TMEM132B: variants seen among roughly 807,000 people sequenced by gnomAD.
TMEM132B encodes the protein transmembrane protein 132B.
TMEM132B carries 18 observed loss-of-function variants against 90.8 expected under a neutral mutation model. That is an observed-to-expected ratio of 0.20 (90% CI 0.14 to 0.29). TMEM132B has a LOEUF of 0.29. Among genes scored for constraint, TMEM132B ranks in the 10% least tolerant of loss-of-function variants. TMEM132B has a pLI of 1.00. For missense variants in TMEM132B, 1,096 were observed against 1,326.8 expected, an observed-to-expected ratio of 0.83 and a Z score of 2.70; for synonymous variants, 504 against 523.3, an observed-to-expected ratio of 0.96 and a Z score of 0.50.
intron 4 of TMEM132B, among the ~76,000 whole-genome samples, chr12:125,525,880 G>A (rs543342082): frequency 9.8e-5 from 15 of 152,338 alleles, no homozygotes; most frequent in African/African-American, 2.6e-4. Context: ...AAACCATCAC[G>A]ATTTGTTCAT....
chr12:125,622,244 A>G (rs887445399), intron 5 of TMEM132B, among the ~76,000 whole-genome samples: 1 of 152,178 alleles, frequency 6.6e-6, no homozygotes, highest in African/African-American at 2.4e-5. Context: ...TGGCTTAATT[A>G]CATGTTTAAA....
intron 5 of TMEM132B, chr12:125,584,850 G>C (rs998885011): frequency 5.9e-5 from 9 of 152,186 alleles, no homozygotes; most frequent in Non-Finnish European, 1.2e-4. Flanking sequence ...TGAATTTTTA[G>C]AATGACTGAT....
chr12:125,300,265 G>A (rs1206897954), intron 1 of TMEM132B, among the ~76,000 whole-genome samples: 1 of 152,068 alleles, frequency 6.6e-6, no homozygotes, highest in Non-Finnish European at 1.5e-5. Context: ...CCAACTCCTG[G>A]CCTGAAGCAG....
chr12:125,382,614 GAAAAAGTTT>G (rs1031490113), intron 2 of TMEM132B, among the ~76,000 whole-genome samples: 23 of 152,140 alleles, frequency 1.5e-4, no homozygotes, highest in African/African-American at 3.9e-4. Context: ...AGAGGCCTTT[GAAAAAGTTT>G]AAAAAGTTTA....
chr12:125,562,106 C>G (rs965833516), intron 4 of TMEM132B, among the ~76,000 whole-genome samples: 2 of 152,216 alleles, frequency 1.3e-5, no homozygotes, highest in African/African-American at 2.4e-5. Flanking sequence ...TACAGCTTCT[C>G]CATCACCACT....
At chr12:125,230,325 G>A (rs575590615) in intron 1 of TMEM132B, among the ~76,000 whole-genome samples, 3 of 152,306 alleles carry the variant, frequency 2.0e-5, no homozygotes, top group East Asian at 3.9e-4. Context: ...TCCTCTGTGT[G>A]AAGCGGTGGA....
intron 5 of TMEM132B, 25 bp downstream of exon 5, chr12:125,584,019 G>A (rs1178925958): frequency 1.9e-6 from 3 of 1,613,972 alleles, no homozygotes; most frequent in Non-Finnish European, 2.5e-6. Context: ...ATCTACAGCT[G>A]TCCTAAGTGC....
At chr12:125,254,127 A>G (rs78649410) in intron 1 of TMEM132B, among the ~76,000 whole-genome samples, 2 of 152,208 alleles carry the variant, frequency 1.3e-5, no homozygotes, top group Admixed American at 6.5e-5. Flanking sequence ...CCATCTCTAC[A>G]AAAAATGCAG....
At chr12:125,432,270 A>G (rs1880531235) in intron 3 of TMEM132B, among the ~76,000 whole-genome samples, 1 of 150,336 alleles carries the variant, frequency 6.7e-6, no homozygotes, top group African/African-American at 2.4e-5. Context: ...TAATTGGAAC[A>G]TAACCACTGT....
Position 125,407,930 on chromosome 12 carries a change from C to G in TMEM132B, c.960-7601C>G, listed in dbSNP as rs1180781485. On this transcript the variant is annotated intron_variant, in intron 2 of 8. Coordinates refer to ENST00000682704, the MANE Select transcript of TMEM132B (RefSeq NM_001366854.1). This position sits in a 1 kb window ranked among gnomAD's most constrained non-coding sequence, Gnocchi z 6.7. ...CTACATGCAGAAGAGTCCACATAAG[C>G]GAGCACAGACTGATGAGTTCTCACA... is the stretch of plus-strand genomic sequence containing the variant. 6.6e-6 allele frequency among the ~76,000 whole-genome samples: 1 copy of G among 152,160 alleles called. No individual in the cohort carries two copies. The highest frequency in any genetic ancestry group is 2.4e-5 in the African/African-American group (1 of 41,434).
chr12:125,366,325 G>A (rs1057095106), intron 2 of TMEM132B, among the ~76,000 whole-genome samples: 4 of 152,142 alleles, frequency 2.6e-5, no homozygotes, highest in African/African-American at 4.8e-5. Flanking sequence ...TGTGAATAGT[G>A]CTGCAGTAAA....
intron 4 of TMEM132B, among the ~76,000 whole-genome samples, chr12:125,571,896 T>C (rs1884805706): frequency 6.6e-6 from 1 of 152,254 alleles, no homozygotes; most frequent in Non-Finnish European, 1.5e-5. Context: ...TCAAATTTTA[T>C]CTATTATTGC....
intron 5 of TMEM132B, among the ~76,000 whole-genome samples, chr12:125,633,118 A>G (rs76469116): frequency 0.1 from 15,640 of 151,838 alleles, 1,054 homozygotes; most frequent in South Asian, 0.2. Context: ...CTTTTTTTAA[A>G]TTTTGTCTCC....
Position 125,272,210 on chromosome 12 carries a change from A to G in TMEM132B, c.68-77242A>G, listed in dbSNP as rs117950064. 7.4e-3 allele frequency among the ~76,000 whole-genome samples: 1,124 copies of G among 152,346 alleles called. 3 individuals are homozygous for G. The highest frequency in any genetic ancestry group is 0.024 in the Middle Eastern group (7 of 294). ...GTTCCTGAAAACCTTTTTGTAAATC[A>G]TCTTCCACATTGCTGGGAGGACTTG... On this transcript the variant is annotated intron_variant, in intron 1 of 8. Transcript: ENST00000682704.
rs907184422 is a variant in TMEM132B at position 125,217,745 on chromosome 12, C to T, written c.67+30879C>T. On this transcript the variant is annotated intron_variant, in intron 1 of 8. Transcript: ENST00000682704. ...CTGGAATTACAGGTGTGAGCTACCA[C>T]GCCTGGCCTTCCTTCCTTTAATTCT... is the stretch of plus-strand genomic sequence containing the variant. Among the ~76,000 whole-genome samples, 9 of 152,334 alleles carry T rather than the reference C, an allele frequency of 5.9e-5. No individual in the cohort carries two copies. In the East Asian group the frequency reaches 7.7e-4, roughly 13 times the overall value.
chr12:125,521,421 A>G (rs893603256), intron 4 of TMEM132B, among the ~76,000 whole-genome samples: 10 of 152,204 alleles, frequency 6.6e-5, no homozygotes, highest in African/African-American at 2.4e-4. Context: ...GTACATAGCT[A>G]CATAATGTAC....
chr12:125,582,844 AGGTACAG>A (rs71935388), intron 4 of TMEM132B, among the ~76,000 whole-genome samples: 24,556 of 152,054 alleles, frequency 0.16, 2,225 homozygotes, highest in East Asian at 0.43. Context: ...CAGAGAACCC[AGGTACAG>A]GGGAAGTACC....
chr12:125,239,118 T>A (rs1305475822), intron 1 of TMEM132B, among the ~76,000 whole-genome samples: 2 of 150,880 alleles, frequency 1.3e-5, no homozygotes, highest in Non-Finnish European at 3.0e-5. Flanking sequence ...CTGGAGGAGG[T>A]GATGGATGGA....
At chr12:125,483,825 G>C (rs1459372141) in intron 3 of TMEM132B, among the ~76,000 whole-genome samples, 1 of 152,180 alleles carries the variant, frequency 6.6e-6, no homozygotes, top group African/African-American at 2.4e-5. Context: ...TTTGTGTCTT[G>C]AAACTCAGTC....
Sources: allele counts gnomAD v4.1 joint callset (sites outside exome capture counted in the v4.1 genomes callset), GRCh38; gene constraint gnomAD v4.1.1; non-coding constraint Gnocchi (gnomAD v3.1); transcripts MANE v1.5; gene names NCBI Gene and HGNC (gene_info 2026-07-23, HGNC 2026-07-21).